FBXL3: variants seen among roughly 807,000 people sequenced by gnomAD.
The protein encoded by FBXL3 is F-box and leucine rich repeat protein 3, also known as F-box/LRR-repeat protein 3.
Under a neutral mutation model 37.9 loss-of-function variants are expected in FBXL3, and 14 were observed. The observed-to-expected ratio is 0.37, with a 90% confidence interval of 0.24 to 0.58. FBXL3 has a LOEUF of 0.58. Ranked by LOEUF, FBXL3 falls within the 20% of genes least tolerant of loss-of-function variation. The pLI, the probability that FBXL3 is intolerant of heterozygous loss-of-function variation, is 0.74. For synonymous variants in FBXL3, 194 were observed against 180.1 expected (o/e 1.08, Z -0.62); for missense variants, 327 against 511.1 (o/e 0.64, Z 3.47).
In FBXL3 at chr13:77,011,344, C is replaced by CAAAAAAAA. The variant is rs34255078; in HGVS notation, c.644-3564_644-3557dup. The stretch of plus-strand genomic sequence containing the variant: ...GGCAACAAGAAGGAGACTTTGTCTC[C>CAAAAAAAA]AAAAAAAAAAAAAAAAAATAGGCAA... On this transcript the variant is annotated intron_variant, in intron 4 of 4. Coordinates refer to ENST00000355619, the MANE Select transcript of FBXL3 (RefSeq NM_012158.4). Among the ~76,000 whole-genome samples the CAAAAAAAA allele has an allele frequency of 1.3e-3, 97 of 74,854 alleles. 1 individual carries two copies. Among genetic ancestry groups the CAAAAAAAA allele is most frequent in the African/African-American group, 4.5e-3 (90 of 20,052 alleles). The allele number at this position is 74,854 out of a possible 152,430, so 49.1% of individuals were successfully genotyped here.
At position 77,005,312 on chromosome 13, in the gene FBXL3, T is replaced by C. The variant is rs1396070834; in HGVS notation, c.*1833A>G. ...TGATAAAAGCATTTAACATATACTT[T>C]ACAGTATAAACAAATTAAGTACTAT... On this transcript the variant is annotated 3_prime_UTR_variant, in exon 5 of 5. Coordinates refer to ENST00000355619, the MANE Select transcript of FBXL3 (RefSeq NM_012158.4). 2.0e-5 allele frequency: 3 copies of C among 152,618 alleles called. No homozygotes were observed. Among genetic ancestry groups the C allele is most frequent in the African/African-American group, 7.2e-5 (3 of 41,470 alleles). 9.5% of individuals were successfully genotyped at this position (152,618 alleles called of 1,614,324 possible).
chr13:77,023,345 AGTGT>A (rs3037568), intron 1 of FBXL3, among the ~76,000 whole-genome samples: 3,486 of 147,548 alleles, frequency 0.024, 105 homozygotes, highest in African/African-American at 0.079. Context: ...AGAGAGAGAG[AGTGT>A]GTGTGTGTGT....
intron 4 of FBXL3, chr13:77,014,699 AAC>A (rs2154036864): frequency 6.6e-6 from 1 of 152,372 alleles, no homozygotes; most frequent in South Asian, 2.1e-4. Context: ...TTTCCCAAAT[AAC>A]ACAGCTAAAG....
Position 77,025,712 on chromosome 13 carries a change from A to AAAC in FBXL3, c.-2+1114_-2+1115insGTT, listed in dbSNP as rs1423394279. 1.4e-3 allele frequency among the ~76,000 whole-genome samples: 207 copies of AAAC among 147,750 alleles called. 1 individual carries two copies. Among genetic ancestry groups the AAAC allele is most frequent in the Non-Finnish European group, 2.3e-3 (152 of 66,756 alleles). On this transcript the variant is annotated intron_variant, in intron 1 of 4. Coordinates refer to ENST00000355619, the MANE Select transcript of FBXL3 (RefSeq NM_012158.4). ...CAAAAAAAAAAAAAAAAAAAAAAAA[A>AAAC]CTTTGAAAGAAGCAACTTCATTAGG...
chr13:77,027,143 C>T lies in FBXL3; in HGVS notation c.-318G>A, dbSNP rs1593940726. On this transcript the variant is annotated 5_prime_UTR_variant, in exon 1 of 5. Coordinates refer to ENST00000355619, the MANE Select transcript of FBXL3 (RefSeq NM_012158.4). ...ACCGCGTAAGCTTCCTGCACCTGGG[C>T]CACAAACAGCGAGTCTAAAATGGCG... is the stretch of plus-strand genomic sequence containing the variant. 1 of 150,278 alleles carries T rather than the reference C, an allele frequency of 6.7e-6. No homozygotes were observed. The allele number at this position is 150,278 out of a possible 1,614,324, so 9.3% of individuals were successfully genotyped here. A position where few individuals can be genotyped will look rare whatever the true frequency, so the allele number is the denominator to read the frequency against.
At chr13:77,013,748 C>T (rs2034595069) in intron 4 of FBXL3, 1 of 152,182 alleles carries the variant, frequency 6.6e-6, no homozygotes, top group Non-Finnish European at 1.5e-5. Flanking sequence ...ACACAGCCGG[C>T]TCTGCGTGAA....
chr13:77,025,687 CAAA>C (rs35934318), intron 1 of FBXL3, among the ~76,000 whole-genome samples: 3 of 73,960 alleles, frequency 4.1e-5, no homozygotes, highest in South Asian at 6.9e-4. Context: ...GTCCTTGTCT[CAAA>C]AAAAAAAAAA....
rs887183741 is a variant in FBXL3 at position 77,026,358 on chromosome 13, C to T, written c.-2+469G>A. On this transcript the variant is annotated intron_variant, in intron 1 of 4. Coordinates refer to ENST00000355619, the MANE Select transcript of FBXL3 (RefSeq NM_012158.4). ...GCGCCACCTCCCCACCGACTGGCTT[C>T]CCCTGACATTTCTCATGCGCCCCAC... 6 of 985,302 alleles carry T rather than the reference C, an allele frequency of 6.1e-6. 1 individual carries two copies. The highest frequency in any genetic ancestry group is 1.2e-4 in the Admixed American group (2 of 16,272). The allele number at this position is 985,302 out of a possible 1,614,324, so 61.0% of individuals were successfully genotyped here. A position where few individuals can be genotyped will look rare whatever the true frequency, so the allele number is the denominator to read the frequency against.
Position 77,006,788 on chromosome 13 carries a change from A to T in FBXL3, c.*357T>A, listed in dbSNP as rs1057821. 3.0e-6 allele frequency: 3 copies of T among 990,856 alleles called. No homozygotes were observed. The highest frequency in any genetic ancestry group is 2.4e-6 in the Non-Finnish European group (2 of 825,862). 61.4% of individuals were successfully genotyped at this position (990,856 alleles called of 1,614,324 possible). A position where few individuals can be genotyped will look rare whatever the true frequency, so the allele number is the denominator to read the frequency against. On this transcript the variant is annotated 3_prime_UTR_variant, in exon 5 of 5. Coordinates refer to ENST00000355619, the MANE Select transcript of FBXL3 (RefSeq NM_012158.4). ...AAATGTCAAGTTTACATTTTTTTTT[A>T]AATGCATAGAGAATATAACATTTCA...
At chr13:77,015,329 G>C in intron 4 of FBXL3, 80 bp downstream of exon 4, 2 of 1,031,348 alleles carry the variant, frequency 1.9e-6, no homozygotes. Context: ...CCACCTTCAA[G>C]GTTAATGATC....
intron 2 of FBXL3, chr13:77,019,290 T>C (rs929216570): frequency 3.3e-5 from 5 of 152,162 alleles, no homozygotes; most frequent in South Asian, 2.1e-4. Flanking sequence ...AAATAAGATG[T>C]AGCTATTCTC....
chr13:77,007,025 T>C lies in FBXL3; in HGVS notation c.*120A>G, dbSNP rs1442808130. ...TCCGATAAACAATCTTTACATATAC[T>C]GACTGAAGATATCAAATTTCTGTGC... On this transcript the variant is annotated 3_prime_UTR_variant, in exon 5 of 5. Coordinates refer to ENST00000355619, the MANE Select transcript of FBXL3 (RefSeq NM_012158.4). 4.1e-6 allele frequency: 6 copies of C among 1,447,126 alleles called. No homozygotes were observed. Among genetic ancestry groups the C allele is most frequent in the Non-Finnish European group, 5.4e-6 (6 of 1,106,830 alleles). The allele number at this position is 1,447,126 out of a possible 1,614,324, so 89.6% of individuals were successfully genotyped here.
chr13:77,007,004 A>T lies in FBXL3; in HGVS notation c.*141T>A, dbSNP rs534629250. On this transcript the variant is annotated 3_prime_UTR_variant, in exon 5 of 5. Transcript: ENST00000355619. ...CCAAAACTCATTCATGGGTCTTCCG[A>T]TAAACAATCTTTACATATACTGACT... The T allele has an allele frequency of 1.6e-5, 23 of 1,422,780 alleles. No homozygotes were observed. In the East Asian group the frequency reaches 4.5e-4, roughly 28 times the overall value. The allele number at this position is 1,422,780 out of a possible 1,614,324, so 88.1% of individuals were successfully genotyped here. A position where few individuals can be genotyped will look rare whatever the true frequency, so the allele number is the denominator to read the frequency against.
At position 77,013,301 on chromosome 13, in the gene FBXL3, C is replaced by T. The variant is rs570622096; in HGVS notation, c.643+2108G>A. 45 of 151,630 alleles carry T rather than the reference C, an allele frequency of 3.0e-4. 1 individual carries two copies. The highest frequency in any genetic ancestry group is 9.9e-4 in the African/African-American group (41 of 41,498). The allele number at this position is 151,630 out of a possible 1,614,324, so 9.4% of individuals were successfully genotyped here. On this transcript the variant is annotated intron_variant, in intron 4 of 4. Transcript: ENST00000355619. ...ACTCTGAAACAAAACTGGTAACCGC[C>T]GTTTCACAAAAAGACCCCTCCTTCT... is the stretch of plus-strand genomic sequence containing the variant.
chr13:77,019,541 T>C (rs1461965127), intron 2 of FBXL3, among the ~76,000 whole-genome samples: 1 of 152,176 alleles, frequency 6.6e-6, no homozygotes, highest in Non-Finnish European at 1.5e-5. Context: ...TTATAGATAA[T>C]ATGTGGTCCC....
At chr13:77,022,447 A>G (rs1215744594) in intron 1 of FBXL3, among the ~76,000 whole-genome samples, 2 of 152,184 alleles carry the variant, frequency 1.3e-5, no homozygotes, top group East Asian at 3.9e-4. Context: ...TTAGATTCTC[A>G]TAGGAGTGAG....
rs2034458652 is a variant in FBXL3, at chr13:77,006,781, T to C, written c.*364A>G. 3 of 993,172 alleles carry C rather than the reference T, an allele frequency of 3.0e-6. No homozygotes were observed. Among genetic ancestry groups the C allele is most frequent in the African/African-American group, 1.7e-5 (1 of 57,532 alleles). 61.5% of individuals were successfully genotyped at this position (993,172 alleles called of 1,614,324 possible). On this transcript the variant is annotated 3_prime_UTR_variant, in exon 5 of 5. Transcript: ENST00000355619. ...GACCCTAAAATGTCAAGTTTACATT[T>C]TTTTTTAAATGCATAGAGAATATAA...
intron 4 of FBXL3, chr13:77,010,881 C>T (rs1325538096): frequency 6.6e-6 from 1 of 152,188 alleles, no homozygotes; most frequent in Non-Finnish European, 1.5e-5. Flanking sequence ...AACAGTGGAG[C>T]AAATAAATGG....
intron 2 of FBXL3, among the ~76,000 whole-genome samples, 200 bp downstream of exon 2, chr13:77,021,313 A>G (rs2034738813): frequency 6.6e-6 from 1 of 152,172 alleles, no homozygotes; most frequent in South Asian, 2.1e-4. Flanking sequence ...GTTTTAAGAA[A>G]TTATTAATAA....
Sources: allele counts gnomAD v4.1 joint callset (sites outside exome capture counted in the v4.1 genomes callset), GRCh38; gene constraint gnomAD v4.1.1; transcripts MANE v1.5; gene names NCBI Gene and HGNC (gene_info 2026-07-23, HGNC 2026-07-21).